CNTNAP2: variants seen among roughly 807,000 people sequenced by gnomAD.
CNTNAP2 encodes contactin associated protein 2.
CNTNAP2 carries 98 observed loss-of-function variants against 155.2 expected under a neutral mutation model. The ratio of observed to expected loss-of-function variants is 0.63; its 90% CI spans 0.54 to 0.75. The LOEUF is 0.75. Among genes scored for constraint, CNTNAP2 ranks in the 30% least tolerant of loss-of-function variants. The probability of loss-of-function intolerance (pLI) is 0.00; values close to 1 mark genes in which losing one functional copy is unlikely to be tolerated. For missense variants in CNTNAP2, 1,727 were observed against 1,688.1 expected (o/e 1.02, Z -0.40); for synonymous variants, 651 against 631.2 (o/e 1.03, Z -0.47).
At chr7:146,423,988 T>C (rs562529928) in intron 1 of CNTNAP2, among the ~76,000 whole-genome samples, 21 of 152,306 alleles carry the variant, frequency 1.4e-4, no homozygotes, top group African/African-American at 5.0e-4. Flanking sequence ...TTAATTCTTT[T>C]GAGTATTAAA....
At chr7:147,465,984 A>C (rs919621019) in intron 10 of CNTNAP2, among the ~76,000 whole-genome samples, 3 of 152,228 alleles carry the variant, frequency 2.0e-5, no homozygotes, top group Non-Finnish European at 2.9e-5. Flanking sequence ...CTACTATAGG[A>C]GCCAAGGGCC....
At chr7:148,358,960 C>T (rs1393317701) in intron 21 of CNTNAP2, among the ~76,000 whole-genome samples, 1 of 152,176 alleles carries the variant, frequency 6.6e-6, no homozygotes, top group Non-Finnish European at 1.5e-5. Context: ...CTTAGCTCTT[C>T]CGAAATACAG....
chr7:147,570,626 T>C (rs1237648671), intron 12 of CNTNAP2, among the ~76,000 whole-genome samples: 2 of 152,218 alleles, frequency 1.3e-5, no homozygotes, highest in Non-Finnish European at 2.9e-5. Context: ...ATTTTTAAAA[T>C]ATCACATGCA....
At chr7:146,941,288 T>G (rs748317961) in intron 3 of CNTNAP2, among the ~76,000 whole-genome samples, 1 of 152,144 alleles carries the variant, frequency 6.6e-6, no homozygotes, top group Non-Finnish European at 1.5e-5. Context: ...GTGATTATCA[T>G]GAAGCTTGCA....
chr7:147,653,185 G>T (rs1226744815), intron 13 of CNTNAP2, among the ~76,000 whole-genome samples: 1 of 152,092 alleles, frequency 6.6e-6, no homozygotes, highest in Non-Finnish European at 1.5e-5. Context: ...TGCTGTAAAA[G>T]GTTATCCCCT....
intron 9 of CNTNAP2, among the ~76,000 whole-genome samples, chr7:147,348,858 T>C (rs1429336789): frequency 3.3e-5 from 5 of 152,096 alleles, no homozygotes; most frequent in African/African-American, 1.2e-4. Flanking sequence ...TGTATGGAAC[T>C]GGAAGACACT....
At chr7:148,296,485 G>A (rs939653094) in intron 21 of CNTNAP2, among the ~76,000 whole-genome samples, 5 of 135,336 alleles carry the variant, frequency 3.7e-5, no homozygotes, top group Non-Finnish European at 6.1e-5. Context: ...GGTGGAGTTC[G>A]CAGTGAGCCA....
chr7:147,076,550 A>G (rs1010118605), intron 4 of CNTNAP2, among the ~76,000 whole-genome samples: 3 of 152,210 alleles, frequency 2.0e-5, no homozygotes, highest in Non-Finnish European at 2.9e-5. Context: ...TCAGATGGGT[A>G]GTATTTTTAA....
chr7:147,665,587 A>G (rs1210752138), intron 13 of CNTNAP2, among the ~76,000 whole-genome samples: 2 of 152,218 alleles, frequency 1.3e-5, no homozygotes, highest in East Asian at 3.9e-4. Context: ...TCACCTTAGT[A>G]CCCATTAGTT....
rs865838018 is a variant in CNTNAP2 at position 148,121,285 on chromosome 7, G to A, written c.2554+2997G>A. On this transcript the variant is annotated intron_variant, in intron 16 of 23. Transcript: ENST00000361727. ...CCTGACCTCGTGATCCACCCGCGTC[G>A]GCCTCCCAAAGCCCTAGGATTACAG... Among the ~76,000 whole-genome samples, 22 of 152,078 alleles carry A rather than the reference G, an allele frequency of 1.4e-4. No homozygotes were observed. In the Middle Eastern group the frequency reaches 0.01, roughly 71 times the overall value.
At chr7:146,504,761 G>A (rs908114058) in intron 1 of CNTNAP2, among the ~76,000 whole-genome samples, 1 of 143,394 alleles carries the variant, frequency 7.0e-6, no homozygotes, top group Non-Finnish European at 1.6e-5. Context: ...AGCACATAAG[G>A]CCACCCCCAG....
intron 1 of CNTNAP2, among the ~76,000 whole-genome samples, chr7:146,493,597 A>G (rs1209966478): frequency 6.6e-6 from 1 of 152,122 alleles, no homozygotes; most frequent in Non-Finnish European, 1.5e-5. Flanking sequence ...TAAGGAAAAT[A>G]AAGAGCCCAG....
At chr7:146,135,789 A>G (rs889895091) in intron 1 of CNTNAP2, among the ~76,000 whole-genome samples, 91 of 152,238 alleles carry the variant, frequency 6.0e-4, no homozygotes, top group African/African-American at 2.2e-3. Flanking sequence ...AATTGATAAT[A>G]TATTAGAAAT....
At chr7:147,318,244 C>T (rs1171241383) in intron 9 of CNTNAP2, among the ~76,000 whole-genome samples, 7 of 152,050 alleles carry the variant, frequency 4.6e-5, no homozygotes, top group African/African-American at 1.4e-4. Context: ...GAGTTCATGA[C>T]CAGCCTGAGC....
At chr7:148,300,706 G>C (rs1255924793) in intron 21 of CNTNAP2, among the ~76,000 whole-genome samples, 1 of 152,002 alleles carries the variant, frequency 6.6e-6, no homozygotes, top group East Asian at 1.9e-4. Flanking sequence ...AACAAAATGT[G>C]GTCTATACGT....
At chr7:148,367,898 T>A (rs1266014334) in intron 21 of CNTNAP2, among the ~76,000 whole-genome samples, 1 of 151,272 alleles carries the variant, frequency 6.6e-6, no homozygotes, top group Non-Finnish European at 1.5e-5. Flanking sequence ...CCTCAACATG[T>A]ACAGACAGTT....
intron 1 of CNTNAP2, among the ~76,000 whole-genome samples, chr7:146,308,698 AC>A (rs915870646): frequency 1.3e-5 from 2 of 152,170 alleles, no homozygotes; most frequent in African/African-American, 4.8e-5. Flanking sequence ...GAAGCTGGAA[AC>A]CAGCATTCTG....
At chr7:146,539,422 A>T (rs996874719) in intron 1 of CNTNAP2, among the ~76,000 whole-genome samples, 1 of 152,070 alleles carries the variant, frequency 6.6e-6, no homozygotes, top group Admixed American at 6.6e-5. Flanking sequence ...GCAGAAAATT[A>T]AAAAGCAATC....
chr7:146,389,676 C>A lies in CNTNAP2; in HGVS notation c.97+272703C>A, dbSNP rs557765655. ...ATTGTCTTTTCTCTGAGCCATATTTCTTTTTTTCTTTTTTCTTTTCTTTTT... is the reference window on the plus strand; with the variant it reads ...ATTGTCTTTTCTCTGAGCCATATTTATTTTTTTCTTTTTTCTTTTCTTTTT... On this transcript the variant is annotated intron_variant, in intron 1 of 23. Transcript: ENST00000361727. Among the ~76,000 whole-genome samples the A allele has an allele frequency of 6.1e-5, 9 of 146,532 alleles. No homozygotes were observed. The East Asian group carries it at 1.8e-3, about 29-fold the overall frequency.
Sources: gnomAD v4.1 joint callset for allele counts (sites outside exome capture counted in the v4.1 genomes callset) on GRCh38, gnomAD v4.1.1 for gene constraint, MANE v1.5 for transcripts, NCBI Gene and HGNC (gene_info 2026-07-23, HGNC 2026-07-21) for gene names.